EFCAB6: variants seen among roughly 807,000 people sequenced by gnomAD.
EFCAB6 encodes the protein EF-hand calcium-binding domain-containing protein 6.
A neutral mutation model predicts 169.8 loss-of-function variants in EFCAB6; 156 were observed. The observed-to-expected ratio is 0.92, with a 90% CI of 0.81 to 1.05. EFCAB6 has a LOEUF of 1.05. EFCAB6 is among the 50% of genes least tolerant of loss of function. EFCAB6 has a pLI of 0.00. For synonymous variants in EFCAB6, 698 were observed against 676.4 expected, an observed-to-expected ratio of 1.03 and a Z score of -0.50; for missense variants, 1,800 against 1,829.1, an observed-to-expected ratio of 0.98 and a Z score of 0.29.
chr22:43,695,901 G>A (rs2058560334), intron 10 of EFCAB6, among the ~76,000 whole-genome samples: 1 of 152,000 alleles, frequency 6.6e-6, no homozygotes, highest in Non-Finnish European at 1.5e-5. Context: ...GTGATACTAG[G>A]TTAGGCAAAG....
chr22:43,530,784 G>A (rs770018138), intron 31 of EFCAB6, 31 bp downstream of exon 31: 4 of 1,611,050 alleles, frequency 2.5e-6, no homozygotes, highest in Non-Finnish European at 3.4e-6. Context: ...GCTGCTCCCT[G>A]CAGAGGCACT....
chr22:43,643,405 C>T (rs737788), intron 17 of EFCAB6, among the ~76,000 whole-genome samples: 35,168 of 152,204 alleles, frequency 0.23, 5,322 homozygotes, highest in East Asian at 0.62. Flanking sequence ...TCAACTTTGT[C>T]CTTTACTGAT....
At chr22:43,534,924 T>C in intron 29 of EFCAB6, 52 bp from the exon 30 acceptor site, 5 of 1,540,860 alleles carry the variant, frequency 3.2e-6, no homozygotes, top group Non-Finnish European at 4.4e-6. Context: ...ATTCATTCAT[T>C]CTTCACTCAT....
At chr22:43,801,620 T>C (rs2062717489) in intron 2 of EFCAB6, among the ~76,000 whole-genome samples, 1 of 152,250 alleles carries the variant, frequency 6.6e-6, no homozygotes, top group Non-Finnish European at 1.5e-5. Flanking sequence ...TTTTCATTTC[T>C]TGTTTGTTTA....
At chr22:43,620,527 T>C (rs1476989278) in intron 20 of EFCAB6, among the ~76,000 whole-genome samples, 1 of 152,146 alleles carries the variant, frequency 6.6e-6, no homozygotes, top group Admixed American at 6.5e-5. Flanking sequence ...AGAATAAAGA[T>C]ATTATAAATT....
intron 28 of EFCAB6, among the ~76,000 whole-genome samples, chr22:43,538,408 G>A (rs2047511216): frequency 6.6e-6 from 1 of 151,950 alleles, no homozygotes; most frequent in African/African-American, 2.4e-5. Flanking sequence ...TTTTTGTTTT[G>A]AAATGGAGTC....
chr22:43,562,316 T>C (rs1205498902), intron 26 of EFCAB6, among the ~76,000 whole-genome samples: 1 of 152,148 alleles, frequency 6.6e-6, no homozygotes, highest in Non-Finnish European at 1.5e-5. Flanking sequence ...TCCCAATACA[T>C]GAAGTATACA....
intron 8 of EFCAB6, among the ~76,000 whole-genome samples, chr22:43,720,917 G>A (rs1173267630): frequency 1.3e-5 from 2 of 152,156 alleles, no homozygotes; most frequent in African/African-American, 2.4e-5. Context: ...ATCCACATAC[G>A]AAATGAAGAA....
intron 13 of EFCAB6, among the ~76,000 whole-genome samples, chr22:43,675,150 TA>T: frequency 6.8e-6 from 1 of 147,774 alleles, no homozygotes; most frequent in East Asian, 2.0e-4. Context: ...ATATTATAAC[TA>T]AATTATAATA....
chr22:43,620,082 C>A (rs1356382991), intron 20 of EFCAB6, among the ~76,000 whole-genome samples: 1 of 152,138 alleles, frequency 6.6e-6, no homozygotes, highest in East Asian at 1.9e-4. Context: ...CTTTGGGAGG[C>A]TGAGATGGGA....
In EFCAB6 at chr22:43,678,094, C is replaced by G; in HGVS notation, c.1321G>C (p.Asp441His). 6.2e-7 allele frequency: 1 copy of G among 1,613,146 alleles called. No individual in the cohort carries two copies. The highest frequency in any genetic ancestry group is 8.5e-7 in the Non-Finnish European group (1 of 1,179,898). ...ILNCMAVKLSDSEFKELMQML... is the reference protein window; with the variant it reads ...ILNCMAVKLSHSEFKELMQML... ...TGCATTAGTTCTTTGAATTCTGAATCGCTTAGTTTTACAGCCATGCAATTT... is the reference window on the plus strand; with the variant it reads ...TGCATTAGTTCTTTGAATTCTGAATGGCTTAGTTTTACAGCCATGCAATTT... The change falls in exon 13 of 32, where the codon GAT becomes CAT. Residue 441 changes from aspartate to histidine, a missense_variant. Asp to His is a moderately conservative substitution (Grantham distance 81). Coordinates refer to ENST00000262726, the MANE Select transcript of EFCAB6 (RefSeq NM_022785.4).
intron 10 of EFCAB6, among the ~76,000 whole-genome samples, chr22:43,691,077 C>T (rs1310826994): frequency 2.6e-5 from 4 of 152,076 alleles, no homozygotes; most frequent in African/African-American, 9.7e-5. Context: ...GCTGCTAGCA[C>T]TGTGGACATG....
At chr22:43,642,189 C>T (rs1197979046) in intron 17 of EFCAB6, among the ~76,000 whole-genome samples, 2 of 152,188 alleles carry the variant, frequency 1.3e-5, no homozygotes, top group Non-Finnish European at 2.9e-5. Context: ...TATCCACCCG[C>T]CTCGCCCTCC....
intron 24 of EFCAB6, among the ~76,000 whole-genome samples, chr22:43,588,066 T>A (rs1259504748): frequency 6.6e-6 from 1 of 152,228 alleles, no homozygotes; most frequent in African/African-American, 2.4e-5. Context: ...TGTATTTTGT[T>A]TGGCAAGTCT....
At chr22:43,687,264 A>C (rs1418905057) in intron 11 of EFCAB6, among the ~76,000 whole-genome samples, 1 of 152,234 alleles carries the variant, frequency 6.6e-6, no homozygotes, top group Admixed American at 6.5e-5. Context: ...AAATTGACAT[A>C]ACAATTATAC....
intron 8 of EFCAB6, among the ~76,000 whole-genome samples, chr22:43,727,758 T>G (rs1409836869): frequency 6.6e-6 from 1 of 152,178 alleles, no homozygotes; most frequent in Non-Finnish European, 1.5e-5. Flanking sequence ...CTGCTTTGCA[T>G]TGCTATCAAG....
intron 6 of EFCAB6, among the ~76,000 whole-genome samples, chr22:43,740,222 C>G (rs941904101): frequency 9.2e-5 from 14 of 152,184 alleles, no homozygotes; most frequent in African/African-American, 3.4e-4. Context: ...ACCCCCAATC[C>G]TCTTATCTTC....
At chr22:43,704,395 C>T (rs1428100669) in intron 10 of EFCAB6, among the ~76,000 whole-genome samples, 1 of 152,068 alleles carries the variant, frequency 6.6e-6, no homozygotes, top group Non-Finnish European at 1.5e-5. Flanking sequence ...AAACAAAAGG[C>T]TGCTAATTAT....
intron 24 of EFCAB6, among the ~76,000 whole-genome samples, chr22:43,585,323 T>G (rs562456513): frequency 6.7e-6 from 1 of 148,378 alleles, no homozygotes; most frequent in East Asian, 2.0e-4. Context: ...GCAACAGAAA[T>G]GAAGAATGAC....
Sources: gnomAD v4.1 joint callset for allele counts (sites outside exome capture counted in the v4.1 genomes callset) on GRCh38, gnomAD v4.1.1 for gene constraint, MANE v1.5 for transcripts, NCBI Gene and HGNC (gene_info 2026-07-23, HGNC 2026-07-21) for gene names.